Variants in NCAM2 observed in about 807,000 individuals in gnomAD.
The protein encoded by NCAM2 is neural cell adhesion molecule 2.
NCAM2 carries 30 observed loss-of-function variants against 98.1 expected under a neutral mutation model. The ratio of observed to expected loss-of-function variants is 0.31; its 90% CI spans 0.23 to 0.41. The LOEUF (loss-of-function observed/expected upper bound fraction) is 0.41, where lower values mean the gene tolerates loss of function less well. Ranked by LOEUF, NCAM2 falls within the 10% of genes least tolerant of loss-of-function variation. NCAM2 has a pLI of 1.00. For missense variants in NCAM2, 867 were observed against 1,005.8 expected, an observed-to-expected ratio of 0.86 and a Z score of 1.87; for synonymous variants, 368 against 342.4, an observed-to-expected ratio of 1.07 and a Z score of -0.83.
chr21:21,226,216 A>G (rs2070376871), intron 1 of NCAM2, among the ~76,000 whole-genome samples: 1 of 152,072 alleles, frequency 6.6e-6, no homozygotes, highest in South Asian at 2.1e-4. Context: ...TACGTGCACT[A>G]CTGGGACGAC....
chr21:21,345,478 C>T, intron 8 of NCAM2, among the ~76,000 whole-genome samples: 1 of 151,918 alleles, frequency 6.6e-6, no homozygotes, highest in East Asian at 1.9e-4. Context: ...AAAAATGCAG[C>T]AGGCATATTG....
chr21:21,379,038 T>C (rs1361111848), intron 9 of NCAM2, among the ~76,000 whole-genome samples: 2 of 152,110 alleles, frequency 1.3e-5, no homozygotes, highest in Non-Finnish European at 2.9e-5. Flanking sequence ...TAAAGTTTTG[T>C]AGATTTTGGT....
In NCAM2 at chr21:21,350,000, T is replaced by G. The variant is rs549001752; in HGVS notation, c.1044+11466T>G. On this transcript the variant is annotated intron_variant, in intron 8 of 17. Transcript: ENST00000400546. ...GAAAGAATGAATAAGACCTACTATT[T>G]GATAGTCCAACAGGGTGAGTATAGT... 3.9e-5 allele frequency among the ~76,000 whole-genome samples: 6 copies of G among 152,272 alleles called. No homozygotes were observed. In the East Asian group the frequency reaches 1.2e-3, roughly 29 times the overall value.
intron 8 of NCAM2, among the ~76,000 whole-genome samples, chr21:21,349,388 A>G (rs1271188292): frequency 1.3e-5 from 2 of 152,168 alleles, no homozygotes; most frequent in Admixed American, 6.5e-5. Context: ...ATATCTTCTC[A>G]CTCTGATTAA....
At chr21:21,179,768 T>C (rs539382013) in intron 1 of NCAM2, among the ~76,000 whole-genome samples, 4 of 152,362 alleles carry the variant, frequency 2.6e-5, no homozygotes, top group African/African-American at 4.8e-5. Context: ...ACGTCATGGA[T>C]TGACTCCGGT....
At chr21:21,379,686 T>C (rs1313767127) in intron 9 of NCAM2, among the ~76,000 whole-genome samples, 2 of 152,144 alleles carry the variant, frequency 1.3e-5, no homozygotes, top group East Asian at 3.9e-4. Flanking sequence ...TTTTGGTGAA[T>C]AGACGATTTT....
In NCAM2 at chr21:21,009,627, G is replaced by C. The variant is rs2064170798; in HGVS notation, c.55+11009G>C. Among the ~76,000 whole-genome samples the C allele has an allele frequency of 1.3e-5, 2 of 151,906 alleles. 1 individual carries two copies. On this transcript the variant is annotated intron_variant, in intron 1 of 17. Transcript: ENST00000400546. ...GGTATAATTAACTAGATTAGATATG[G>C]TCAATAGTAAATGTCTGCTGTGTCG...
intron 17 of NCAM2, among the ~76,000 whole-genome samples, chr21:21,536,254 G>A (rs747106504): frequency 5.9e-5 from 9 of 151,612 alleles, no homozygotes; most frequent in Non-Finnish European, 1.0e-4. Context: ...GCTTTGATCT[G>A]CAGAATGTTT....
intron 1 of NCAM2, among the ~76,000 whole-genome samples, chr21:21,047,286 A>G (rs182105806): frequency 9.6e-4 from 146 of 152,318 alleles, no homozygotes; most frequent in African/African-American, 3.4e-3. Flanking sequence ...TTTAAAAACA[A>G]CAATTATTTG....
At chr21:21,179,512 T>A (rs1027984417) in intron 1 of NCAM2, among the ~76,000 whole-genome samples, 3 of 152,222 alleles carry the variant, frequency 2.0e-5, no homozygotes, top group Non-Finnish European at 4.4e-5. Context: ...AGTGACATTC[T>A]CCCCACATGC....
At chr21:21,451,260 A>G (rs1057273208) in intron 12 of NCAM2, among the ~76,000 whole-genome samples, 1 of 152,188 alleles carries the variant, frequency 6.6e-6, no homozygotes, top group Non-Finnish European at 1.5e-5. Context: ...CTAAATAGTT[A>G]CTGTTTTCAA....
chr21:21,517,460 A>C (rs775034881), intron 16 of NCAM2, among the ~76,000 whole-genome samples: 10 of 152,160 alleles, frequency 6.6e-5, no homozygotes, highest in Non-Finnish European at 1.5e-4. Context: ...GATAGTATGC[A>C]AGGAACTAGA....
Position 21,003,236 on chromosome 21 carries a change from A to G in NCAM2, c.55+4618A>G, listed in dbSNP as rs529363328. Among the ~76,000 whole-genome samples, 104 of 152,318 alleles carry G rather than the reference A, an allele frequency of 6.8e-4. 2 individuals are homozygous for G. Among genetic ancestry groups the G allele is most frequent in the Middle Eastern group, 3.4e-3 (1 of 294 alleles). ...TGAAACATCTTGAATTTAAATCAAG[A>G]TGTTTGAATTTAAATCATTAAGAAA... is the stretch of plus-strand genomic sequence containing the variant. On this transcript the variant is annotated intron_variant, in intron 1 of 17. Transcript: ENST00000400546.
intron 1 of NCAM2, among the ~76,000 whole-genome samples, chr21:21,153,466 A>C (rs572562671): frequency 6.6e-6 from 1 of 152,026 alleles, no homozygotes; most frequent in South Asian, 2.1e-4. Context: ...AAATATATAG[A>C]AATGTATAAT....
At chr21:21,115,010 G>A (rs1363303670) in intron 1 of NCAM2, among the ~76,000 whole-genome samples, 9 of 151,802 alleles carry the variant, frequency 5.9e-5, no homozygotes, top group Admixed American at 5.3e-4. Flanking sequence ...TAGTAGAGAC[G>A]GGGTTTCACC....
intron 2 of NCAM2, among the ~76,000 whole-genome samples, chr21:21,282,985 A>T (rs1451687176): frequency 2.6e-5 from 4 of 151,932 alleles, no homozygotes; most frequent in Admixed American, 2.0e-4. Context: ...ATTTTGTATT[A>T]TTCAAATGTA....
chr21:21,255,451 G>A (rs1333572952), intron 1 of NCAM2, among the ~76,000 whole-genome samples: 2 of 152,202 alleles, frequency 1.3e-5, no homozygotes, highest in African/African-American at 2.4e-5. Flanking sequence ...TTGCCAGGTG[G>A]AAGTAATCCA....
At chr21:21,106,320 A>AAAAAAAAAAAAAAAAAAAAAAAAAG in intron 1 of NCAM2, among the ~76,000 whole-genome samples, 2 of 150,860 alleles carry the variant, frequency 1.3e-5, no homozygotes, top group African/African-American at 2.4e-5. Context: ...AAAGCAAAAA[A>AAAAAAAAAAAAAAAAAAAAAAAAAG]AAAAAAAAAG....
chr21:21,330,476 A>G (rs2074642527), intron 6 of NCAM2, among the ~76,000 whole-genome samples: 2 of 152,084 alleles, frequency 1.3e-5, no homozygotes, highest in South Asian at 4.1e-4. Flanking sequence ...ACTAAATTCT[A>G]TACTTATCAG....
Sources: allele counts gnomAD v4.1 joint callset (sites outside exome capture counted in the v4.1 genomes callset), GRCh38; gene constraint gnomAD v4.1.1; transcripts MANE v1.5; gene names NCBI Gene and HGNC (gene_info 2026-07-23, HGNC 2026-07-21).